GOLPH3L: variants seen among roughly 807,000 people sequenced by gnomAD.
GOLPH3L encodes the protein golgi phosphoprotein 3 like.
Under a neutral mutation model 30.3 loss-of-function variants are expected in GOLPH3L, and 22 were observed. That is an observed-to-expected ratio of 0.73 (90% CI 0.52 to 1.04). The LOEUF is 1.04. Ranked by LOEUF, GOLPH3L falls within the 50% of genes least tolerant of loss-of-function variation. The pLI is 0.00. For missense variants in GOLPH3L, 303 were observed against 345.8 expected, an observed-to-expected ratio of 0.88 and a Z score of 0.98; for synonymous variants, 120 against 128.2, an observed-to-expected ratio of 0.94 and a Z score of 0.43.
chr1:150,671,142 T>C (rs1453396140), intron 2 of GOLPH3L, among the ~76,000 whole-genome samples: 2 of 150,064 alleles, frequency 1.3e-5, no homozygotes. Context: ...CTCAGGAGGG[T>C]GAGGCAGGAG....
At chr1:150,663,332 G>A (rs1216837836) in intron 3 of GOLPH3L, among the ~76,000 whole-genome samples, 3 of 152,066 alleles carry the variant, frequency 2.0e-5, no homozygotes, top group Admixed American at 1.3e-4. Flanking sequence ...GAGCCACTGT[G>A]CCCGGCTATT....
chr1:150,676,512 C>T (rs1333251572), intron 2 of GOLPH3L, among the ~76,000 whole-genome samples: 1 of 152,034 alleles, frequency 6.6e-6, no homozygotes, highest in Non-Finnish European at 1.5e-5. Flanking sequence ...CTAAAACAAC[C>T]CAATAAGAAC....
At chr1:150,657,763 C>A (rs1650276457) in intron 4 of GOLPH3L, among the ~76,000 whole-genome samples, 1 of 152,160 alleles carries the variant, frequency 6.6e-6, no homozygotes, top group South Asian at 2.1e-4. Context: ...GGACAAGCCA[C>A]AGTGGAAAGA....
intron 2 of GOLPH3L, among the ~76,000 whole-genome samples, chr1:150,684,699 C>T (rs1424396972): frequency 1.3e-5 from 2 of 151,816 alleles, no homozygotes; most frequent in African/African-American, 4.8e-5. Flanking sequence ...GAGAGTTTCA[C>T]TCTTGCTGCC....
intron 2 of GOLPH3L, among the ~76,000 whole-genome samples, chr1:150,678,582 A>G (rs761635532): frequency 2.0e-5 from 3 of 152,180 alleles, no homozygotes; most frequent in Non-Finnish European, 4.4e-5. Flanking sequence ...GTATGCAGAG[A>G]GAGCTGATGC....
At chr1:150,659,985 G>T (rs1405780364) in intron 4 of GOLPH3L, among the ~76,000 whole-genome samples, 1 of 152,054 alleles carries the variant, frequency 6.6e-6, no homozygotes, top group Non-Finnish European at 1.5e-5. Flanking sequence ...AGTGAGCCGA[G>T]ATTGCACCAC....
At chr1:150,672,179 A>G (rs1650661792) in intron 2 of GOLPH3L, among the ~76,000 whole-genome samples, 1 of 152,258 alleles carries the variant, frequency 6.6e-6, no homozygotes, top group East Asian at 1.9e-4. Context: ...TATCTGCCCA[A>G]TTCCAAAGCC....
intron 2 of GOLPH3L, among the ~76,000 whole-genome samples, chr1:150,680,838 T>C (rs763799247): frequency 5.9e-5 from 9 of 152,208 alleles, no homozygotes; most frequent in Admixed American, 3.3e-4. Context: ...ACATGTGTCA[T>C]GCTCTGAGTT....
At chr1:150,670,394 G>A (rs1032189215) in intron 2 of GOLPH3L, among the ~76,000 whole-genome samples, 25 of 151,920 alleles carry the variant, frequency 1.6e-4, no homozygotes, top group Non-Finnish European at 3.2e-4. Context: ...TCAGGAGATC[G>A]AGACCATCCT....
chr1:150,652,380 C>CAAAAAAA (rs34446972), intron 4 of GOLPH3L, among the ~76,000 whole-genome samples: 2 of 40,190 alleles, frequency 5.0e-5, no homozygotes, highest in Non-Finnish European at 7.6e-5. Flanking sequence ...GACTCTGTCT[C>CAAAAAAA]AAAAAAAAAA....
intron 2 of GOLPH3L, among the ~76,000 whole-genome samples, chr1:150,677,171 A>T (rs1650828785): frequency 6.6e-6 from 1 of 151,218 alleles, no homozygotes; most frequent in South Asian, 2.1e-4. Flanking sequence ...CCCGGGTTCA[A>T]GCAATTCTCC....
intron 4 of GOLPH3L, among the ~76,000 whole-genome samples, chr1:150,660,245 C>T (rs1383157642): frequency 6.6e-6 from 1 of 151,572 alleles, no homozygotes; most frequent in African/African-American, 2.4e-5. Flanking sequence ...TAGGCCTACT[C>T]GGATGTCTAT....
intron 2 of GOLPH3L, among the ~76,000 whole-genome samples, chr1:150,688,676 G>A (rs1443877576): frequency 6.6e-6 from 1 of 152,104 alleles, no homozygotes; most frequent in Non-Finnish European, 1.5e-5. Context: ...GCTTGAATCC[G>A]GGAGGTGGAG....
intron 2 of GOLPH3L, among the ~76,000 whole-genome samples, chr1:150,683,733 A>AAAAAAAAAAAC (rs1651019319): frequency 1.5e-5 from 1 of 67,280 alleles, no homozygotes; most frequent in Non-Finnish European, 3.4e-5. Flanking sequence ...AAAAAAAAAA[A>AAAAAAAAAAAC]GAGAGATACT....
chr1:150,679,879 C>T (rs1650909520), intron 2 of GOLPH3L, among the ~76,000 whole-genome samples: 1 of 151,890 alleles, frequency 6.6e-6, no homozygotes, highest in Admixed American at 6.6e-5. Context: ...CTGAAGCAGG[C>T]AGATCACTTG....
At chr1:150,692,618 C>T (rs1220696218) in intron 2 of GOLPH3L, among the ~76,000 whole-genome samples, 2 of 152,116 alleles carry the variant, frequency 1.3e-5, no homozygotes, top group Non-Finnish European at 2.9e-5. Flanking sequence ...GTCTTGAACT[C>T]CTGGGCCCAA....
At chr1:150,666,591 G>A (rs1023015096) in intron 2 of GOLPH3L, among the ~76,000 whole-genome samples, 1 of 152,088 alleles carries the variant, frequency 6.6e-6, no homozygotes, top group African/African-American at 2.4e-5. Flanking sequence ...GCCTGCCTCA[G>A]CCTCCCAAAG....
intron 4 of GOLPH3L, among the ~76,000 whole-genome samples, chr1:150,651,110 A>C (rs1447587499): frequency 6.6e-6 from 1 of 152,188 alleles, no homozygotes; most frequent in Non-Finnish European, 1.5e-5. Flanking sequence ...TGAGGCCAGG[A>C]GTTCAAGACA....
intron 4 of GOLPH3L, among the ~76,000 whole-genome samples, chr1:150,654,403 G>A (rs916065209): frequency 6.6e-6 from 1 of 151,852 alleles, no homozygotes; most frequent in Non-Finnish European, 1.5e-5. Flanking sequence ...CTACTCGGGA[G>A]GCTGAGGCAG....
Sources: allele counts gnomAD v4.1 joint callset (sites outside exome capture counted in the v4.1 genomes callset), GRCh38; gene constraint gnomAD v4.1.1; transcripts MANE v1.5; gene names NCBI Gene and HGNC (gene_info 2026-07-23, HGNC 2026-07-21).